The following SH3RF3 variants were observed in gnomAD, a reference collection of about 807,000 sequenced individuals.
The protein encoded by SH3RF3 is SH3 domain containing ring finger 3, also known as E3 ubiquitin-protein ligase SH3RF3.
In SH3RF3, 29 loss-of-function variants were observed where a neutral mutation model predicts 66.3. The observed-to-expected ratio is 0.44, with a 90% CI of 0.33 to 0.60. The LOEUF is 0.60. Ranked by LOEUF, SH3RF3 falls within the 20% of genes least tolerant of loss-of-function variation. The pLI is 0.04. For missense variants in SH3RF3, 1,194 were observed against 1,190.9 expected, an observed-to-expected ratio of 1.00 and a Z score of -0.04; for synonymous variants, 583 against 532.0, an observed-to-expected ratio of 1.10 and a Z score of -1.32.
chr2:109,336,846 C>A (rs1020442558), intron 1 of SH3RF3, among the ~76,000 whole-genome samples: 1 of 152,212 alleles, frequency 6.6e-6, no homozygotes, highest in Admixed American at 6.5e-5. Flanking sequence ...CCTGCTCCAA[C>A]CGTATCCGTC....
chr2:109,321,548 A>G (rs562495020), intron 1 of SH3RF3, among the ~76,000 whole-genome samples: 1 of 152,390 alleles, frequency 6.6e-6, no homozygotes, highest in Non-Finnish European at 1.5e-5. Context: ...AATTTAACAA[A>G]CATTCTCCAA....
intron 1 of SH3RF3, among the ~76,000 whole-genome samples, chr2:109,241,514 C>G (rs1679781537): frequency 1.3e-5 from 2 of 151,954 alleles, no homozygotes; most frequent in Non-Finnish European, 2.9e-5. Context: ...ATTTTGTTGG[C>G]AGAAAATCAG....
chr2:109,195,468 C>T (rs1433798870), intron 1 of SH3RF3, among the ~76,000 whole-genome samples: 1 of 149,856 alleles, frequency 6.7e-6, no homozygotes, highest in Non-Finnish European at 1.5e-5. Context: ...CCCACCCCTT[C>T]TTGGCCTTGC....
intron 2 of SH3RF3, among the ~76,000 whole-genome samples, chr2:109,368,662 T>C (rs1683197033): frequency 6.7e-6 from 1 of 150,268 alleles, no homozygotes; most frequent in African/African-American, 2.4e-5. Flanking sequence ...GGCTCTAATT[T>C]CTAGACCAAT....
At chr2:109,475,457 T>C (rs111775783) in intron 8 of SH3RF3, among the ~76,000 whole-genome samples, 6 of 152,290 alleles carry the variant, frequency 3.9e-5, no homozygotes, top group African/African-American at 1.4e-4. Context: ...AAGCAAAAGC[T>C]GGGAGAGGAA....
At chr2:109,141,456 C>T (rs533784725) in intron 1 of SH3RF3, 13 of 154,416 alleles carry the variant, frequency 8.4e-5, no homozygotes, top group Admixed American at 3.9e-4. Context: ...GAGACCTCTG[C>T]AGCACCTAGG....
intron 9 of SH3RF3, 94 bp downstream of exon 9, chr2:109,491,030 C>T (rs924975347): frequency 7.2e-6 from 9 of 1,245,978 alleles, no homozygotes; most frequent in Non-Finnish European, 9.5e-6. Flanking sequence ...TGTGGCCTTG[C>T]TGGGATTAGG....
chr2:109,361,602 T>C (rs1438393112), intron 2 of SH3RF3, among the ~76,000 whole-genome samples: 1 of 152,180 alleles, frequency 6.6e-6, no homozygotes, highest in African/African-American at 2.4e-5. Flanking sequence ...GCCTCCCAAG[T>C]AGCTGGGACT....
At chr2:109,460,783 A>G (rs901212037) in intron 8 of SH3RF3, among the ~76,000 whole-genome samples, 1 of 152,212 alleles carries the variant, frequency 6.6e-6, no homozygotes, top group African/African-American at 2.4e-5. Context: ...GCCACAGCCT[A>G]TGAATCATTA....
At chr2:109,501,457 A>T in intron 9 of SH3RF3, 46 bp from the exon 10 acceptor site, 2 of 747,292 alleles carry the variant, frequency 2.7e-6, no homozygotes, top group South Asian at 1.4e-5. Context: ...GACCCAGCAG[A>T]TGGAGATTGT....
intron 2 of SH3RF3, among the ~76,000 whole-genome samples, chr2:109,351,467 T>C (rs1398947140): frequency 2.6e-5 from 4 of 152,380 alleles, no homozygotes; most frequent in South Asian, 2.1e-4. Context: ...TTTGAGCAGC[T>C]AACTCTATAT....
chr2:109,491,504 T>C (rs1251768455), intron 9 of SH3RF3, among the ~76,000 whole-genome samples: 2 of 152,220 alleles, frequency 1.3e-5, no homozygotes, highest in Admixed American at 6.5e-5. Flanking sequence ...ACTAGCAACT[T>C]CACATAGTTC....
chr2:109,275,714 C>T (rs1326973321), intron 1 of SH3RF3, among the ~76,000 whole-genome samples: 1 of 152,178 alleles, frequency 6.6e-6, no homozygotes, highest in East Asian at 1.9e-4. Flanking sequence ...TTCCTCATCT[C>T]GCTGTTTGCC....
At chr2:109,254,888 G>A (rs1381624867) in intron 1 of SH3RF3, among the ~76,000 whole-genome samples, 1 of 152,190 alleles carries the variant, frequency 6.6e-6, no homozygotes, top group African/African-American at 2.4e-5. Flanking sequence ...TGGGCTCAGC[G>A]AGACAGTACG....
chr2:109,255,155 C>T (rs572475419), intron 1 of SH3RF3, among the ~76,000 whole-genome samples: 12 of 152,140 alleles, frequency 7.9e-5, no homozygotes, highest in Middle Eastern at 3.4e-3. Context: ...TACATGTGCA[C>T]GTGTGCAACT....
chr2:109,304,485 G>C lies in SH3RF3; in HGVS notation c.574-43189G>C, dbSNP rs553804396. On this transcript the variant is annotated intron_variant, in intron 1 of 9. Transcript: ENST00000309415. Reference sequence around the variant, plus strand: ...AGGGGTTCCTTGTTCCCTGTCTCTGGACCTGCTTCCTGAGTCTCCTCTCTC... The same window carrying C: ...AGGGGTTCCTTGTTCCCTGTCTCTGCACCTGCTTCCTGAGTCTCCTCTCTC... Among the ~76,000 whole-genome samples the C allele has an allele frequency of 3.3e-5, 5 of 152,052 alleles. No individual in the cohort carries two copies. The East Asian group carries it at 7.7e-4, about 24-fold the overall frequency.
At chr2:109,203,441 T>C (rs957683220) in intron 1 of SH3RF3, among the ~76,000 whole-genome samples, 1 of 152,152 alleles carries the variant, frequency 6.6e-6, no homozygotes, top group Non-Finnish European at 1.5e-5. Context: ...GATCACTGTA[T>C]CCCTGGCCAT....
At position 109,249,471 on chromosome 2, in the gene SH3RF3, T is replaced by TTC. The variant is rs762334667; in HGVS notation, c.574-98201_574-98200dup. On this transcript the variant is annotated intron_variant, in intron 1 of 9. Coordinates refer to ENST00000309415, the MANE Select transcript of SH3RF3 (RefSeq NM_001099289.3). ...TCTCTCTCTCTTTCTCTCTTTCTCT[T>TTC]TCTTTCTTTCTTTCTTTCTTTCTTT... Among the ~76,000 whole-genome samples the TTC allele has an allele frequency of 6.4e-3, 149 of 23,368 alleles. 2 individuals carry two copies. The highest frequency in any genetic ancestry group is 0.041 in the South Asian group (23 of 566). 15.3% of individuals were successfully genotyped at this position (23,368 alleles called of 152,430 possible).
chr2:109,361,154 C>T (rs1235091346), intron 2 of SH3RF3, among the ~76,000 whole-genome samples: 1 of 152,158 alleles, frequency 6.6e-6, no homozygotes, highest in Non-Finnish European at 1.5e-5. Context: ...TTGAGCCAGC[C>T]TTGCATACCT....
Sources: allele counts gnomAD v4.1 joint callset (sites outside exome capture counted in the v4.1 genomes callset), GRCh38; gene constraint gnomAD v4.1.1; transcripts MANE v1.5; gene names NCBI Gene and HGNC (gene_info 2026-07-23, HGNC 2026-07-21).